SMG1: variants seen among roughly 807,000 people sequenced by gnomAD.
The protein encoded by SMG1 is SMG1 nonsense mediated mRNA decay associated PI3K related kinase.
Under a neutral mutation model 419.9 loss-of-function variants are expected in SMG1, and 22 were observed. The observed-to-expected ratio is 0.05, with a 90% CI of 0.04 to 0.07. The LOEUF (loss-of-function observed/expected upper bound fraction) is 0.07, where lower values mean the gene tolerates loss of function less well. Ranked by LOEUF, SMG1 falls within the 10% of genes least tolerant of loss-of-function variation. The pLI, the probability that SMG1 is intolerant of heterozygous loss-of-function variation, is 1.00. For missense variants in SMG1, 3,185 were observed against 4,342.0 expected (o/e 0.73, Z 7.49); for synonymous variants, 1,538 against 1,553.5 (o/e 0.99, Z 0.23).
At chr16:18,874,580 A>AG (rs1176004069) in intron 13 of SMG1, among the ~76,000 whole-genome samples, 1 of 123,274 alleles carries the variant, frequency 8.1e-6, no homozygotes, top group Non-Finnish European at 1.7e-5. Context: ...AAAAAAAAAA[A>AG]GCAGGCTGGG....
At chr16:18,844,449 A>G (rs1191617227) in intron 39 of SMG1, among the ~76,000 whole-genome samples, 1 of 45,362 alleles carries the variant, frequency 2.2e-5, no homozygotes. Flanking sequence ...AAACAAACAA[A>G]CAACACCCCC....
At chr16:18,889,076 G>T (rs559416429) in intron 6 of SMG1, among the ~76,000 whole-genome samples, 4 of 151,862 alleles carry the variant, frequency 2.6e-5, no homozygotes, top group East Asian at 3.9e-4. Flanking sequence ...CGCCTGCCTC[G>T]GCCTCCCAAA....
chr16:18,909,358 T>A (rs79875181), intron 1 of SMG1, among the ~76,000 whole-genome samples: 2 of 149,822 alleles, frequency 1.3e-5, no homozygotes, highest in African/African-American at 4.9e-5. Context: ...AAGGAAAAAA[T>A]AAAATAAAAT....
chr16:18,820,961 C>T (rs1322226854), intron 55 of SMG1, among the ~76,000 whole-genome samples: 1 of 152,156 alleles, frequency 6.6e-6, no homozygotes, highest in Non-Finnish European at 1.5e-5. Context: ...GGATTATGTA[C>T]ATAGCTTTCA....
At chr16:18,813,185 A>T (rs1201850076) in intron 60 of SMG1, among the ~76,000 whole-genome samples, 4 of 152,210 alleles carry the variant, frequency 2.6e-5, no homozygotes, top group Non-Finnish European at 5.9e-5. Flanking sequence ...GTATATACCC[A>T]GTAATGGGAT....
intron 38 of SMG1, 24 bp downstream of exon 38, chr16:18,847,429 C>A (rs770353464): frequency 1.2e-6 from 2 of 1,610,478 alleles, no homozygotes; most frequent in Non-Finnish European, 1.7e-6. Flanking sequence ...TTCACTGTCT[C>A]AGGACAAGTG....
At position 18,890,874 on chromosome 16, in the gene SMG1, C is replaced by T. The variant is rs770710254; in HGVS notation, c.597G>A (p.Val199=). 6 of 1,578,332 alleles carry T rather than the reference C, an allele frequency of 3.8e-6. No individual in the cohort carries two copies. Among genetic ancestry groups the T allele is most frequent in the Non-Finnish European group, 5.2e-6 (6 of 1,149,736 alleles). The change falls in exon 5 of 63, where the codon GTG becomes GTA. Residue 199 remains valine (V), a synonymous_variant. Transcript: ENST00000446231. ...LDNILAAVHD[V]LNESSKLLQE... is the part of the protein sequence containing the mutation. Reference sequence around the variant, plus strand: ...TATTAGTTACTTACCTTTCATTAAGCACGTCATGTACAGCAGCCAAGATAT... The same window carrying T: ...TATTAGTTACTTACCTTTCATTAAGTACGTCATGTACAGCAGCCAAGATAT...
intron 13 of SMG1, chr16:18,875,916 T>C (rs2036105631): frequency 1.8e-6 from 1 of 568,454 alleles, no homozygotes; most frequent in Non-Finnish European, 3.1e-6. Context: ...TTATCAAGAT[T>C]TGTCAAGGAA....
chr16:18,851,961 C>T (rs1345578615), intron 33 of SMG1, 106 bp downstream of exon 33: 8 of 1,180,748 alleles, frequency 6.8e-6, no homozygotes, highest in African/African-American at 6.3e-5. Flanking sequence ...TTTACAACAA[C>T]AATTGGTAAG....
intron 1 of SMG1, among the ~76,000 whole-genome samples, chr16:18,914,414 CGCCT>C (rs2037896756): frequency 6.6e-6 from 1 of 152,028 alleles, no homozygotes; most frequent in Non-Finnish European, 1.5e-5. Flanking sequence ...TGGTGGCTCA[CGCCT>C]GTAATCCCAG....
chr16:18,917,174 CAG>C (rs1201789560), intron 1 of SMG1, among the ~76,000 whole-genome samples: 3 of 151,902 alleles, frequency 2.0e-5, no homozygotes, highest in African/African-American at 7.3e-5. Flanking sequence ...TTTTTTGAGA[CAG>C]AGTTTCGCTC....
At chr16:18,860,009 GAGTTCAAGACC>G (rs2035129796) in intron 26 of SMG1, among the ~76,000 whole-genome samples, 1 of 152,174 alleles carries the variant, frequency 6.6e-6, no homozygotes, top group South Asian at 2.1e-4. Context: ...ACGAGGTCAG[GAGTTCAAGACC>G]AGCCTGGCCA....
intron 1 of SMG1, among the ~76,000 whole-genome samples, chr16:18,908,403 G>A (rs540966635): frequency 3.8e-5 from 5 of 131,342 alleles, no homozygotes; most frequent in African/African-American, 8.7e-5. Flanking sequence ...CCATTCCAAC[G>A]AAGATTAAGA....
chr16:18,834,259 G>T lies in SMG1; in HGVS notation c.8510C>A (p.Pro2837His), dbSNP rs1156781221. ...GTGAACTGTCTCAGACGCTTCCATGGGGTTCGGGATATCTAAGTCCTGTGG... is the reference window on the plus strand; with the variant it reads ...GTGAACTGTCTCAGACGCTTCCATGTGGTTCGGGATATCTAAGTCCTGTGG... The part of the protein sequence containing the change: ...LVPQDLDIPN[P>H]MEASETVHLA... The change falls in exon 50 of 63, where the codon CCC (proline) becomes CAC (histidine). Residue 2837 changes from proline (P) to histidine (H), a missense_variant. Coordinates refer to ENST00000446231, the MANE Select transcript of SMG1 (RefSeq NM_015092.5). 1 of 1,610,056 alleles carries T rather than the reference G, an allele frequency of 6.2e-7. No individual in the cohort carries two copies.
At chr16:18,867,977 G>C (rs1289873527) in intron 22 of SMG1, among the ~76,000 whole-genome samples, 2 of 151,894 alleles carry the variant, frequency 1.3e-5, no homozygotes, top group African/African-American at 2.4e-5. Context: ...CAAAGTGCTG[G>C]GATTACAGGC....
Position 18,838,504 on chromosome 16 carries a change from C to CA in SMG1, c.7085-39dup, listed in dbSNP as rs2033719634. 3.1e-6 allele frequency: 5 copies of CA among 1,613,664 alleles called. No homozygotes were observed. In the East Asian group the frequency reaches 1.1e-4, roughly 36 times the overall value. On this transcript the variant is annotated intron_variant, in intron 43 of 62. Transcript: ENST00000446231. ...AATCATTATATTTTTGCCCTTTCAC[C>CA]AAAAAACATTTGGCCCTCATAAATG...
chr16:18,906,530 T>C (rs191128818), intron 1 of SMG1, among the ~76,000 whole-genome samples: 1 of 152,276 alleles, frequency 6.6e-6, no homozygotes, highest in East Asian at 1.9e-4. Flanking sequence ...CTGCACCTGA[T>C]TCTAGACCTT....
At position 18,828,056 on chromosome 16, in the gene SMG1, A is replaced by G. The variant is rs2032878063; in HGVS notation, c.9716T>C (p.Ile3239Thr). 4 of 1,612,964 alleles carry G rather than the reference A, an allele frequency of 2.5e-6. No individual in the cohort carries two copies. Among genetic ancestry groups the G allele is most frequent in the African/African-American group, 1.3e-5 (1 of 75,020 alleles). The change falls in exon 55 of 63, where the codon ATT (isoleucine) becomes ACT (threonine). Residue 3239 changes from isoleucine to threonine, a missense_variant. Coordinates refer to ENST00000446231, the MANE Select transcript of SMG1 (RefSeq NM_015092.5). ...CTGAACTGTTGCAATAGAAGTTTCA[A>G]TCTGGCTCAGGGTATGCAGCTTCTT... is the stretch of plus-strand genomic sequence containing the variant. ...MKKKLHTLSQ[I>T]ETSIATVQEK... is the part of the protein sequence containing the mutation.
Position 18,838,426 on chromosome 16 carries a change from C to A in SMG1, c.7125G>T (p.Met2375Ile). ...CCAGTGCTGTTTCAATGTTTTGTGTCATTCGAAAAGGTACTTTCTCAGGAA... is the reference window on the plus strand; with the variant it reads ...CCAGTGCTGTTTCAATGTTTTGTGTAATTCGAAAAGGTACTTTCTCAGGAA... ...LRVPEKVPFR[M>I]TQNIETALGV... Residue 2375 changes from methionine (M) to isoleucine (I), a missense_variant, in exon 44 of 63, where the codon ATG becomes ATT. Transcript: ENST00000446231. The A allele has an allele frequency of 6.2e-7, 1 of 1,613,948 alleles. No individual in the cohort carries two copies. Among genetic ancestry groups the A allele is most frequent in the Non-Finnish European group, 8.5e-7 (1 of 1,179,874 alleles).
Sources: gnomAD v4.1 joint callset for allele counts (sites outside exome capture counted in the v4.1 genomes callset) on GRCh38, gnomAD v4.1.1 for gene constraint, MANE v1.5 for transcripts, NCBI Gene and HGNC (gene_info 2026-07-23, HGNC 2026-07-21) for gene names.